Variants in RCAN2 observed in about 807,000 individuals in gnomAD.
RCAN2 encodes the protein regulator of calcineurin 2, also known as calcipressin-2.
A neutral mutation model predicts 23.6 loss-of-function variants in RCAN2; 9 were observed. That is an observed-to-expected ratio of 0.38 (90% CI 0.23 to 0.67). The LOEUF is 0.67. RCAN2 is among the 30% of genes least tolerant of loss of function. The pLI is 0.51. For synonymous variants in RCAN2, 109 were observed against 115.7 expected, an observed-to-expected ratio of 0.94 and a Z score of 0.37; for missense variants, 273 against 302.3, an observed-to-expected ratio of 0.90 and a Z score of 0.72.
chr6:46,398,148 A>G (rs1368072113), intron 2 of RCAN2, among the ~76,000 whole-genome samples: 1 of 152,218 alleles, frequency 6.6e-6, no homozygotes, highest in African/African-American at 2.4e-5. Flanking sequence ...ACAAATTTAA[A>G]TAGGGTATAC....
At chr6:46,265,962 C>T (rs918642538) in intron 2 of RCAN2, among the ~76,000 whole-genome samples, 4 of 152,200 alleles carry the variant, frequency 2.6e-5, no homozygotes, top group African/African-American at 9.7e-5. Context: ...CCAGTTCTTC[C>T]TAAATGCAGA....
At chr6:46,431,022 T>C (rs948361267) in intron 2 of RCAN2, among the ~76,000 whole-genome samples, 1 of 152,056 alleles carries the variant, frequency 6.6e-6, no homozygotes, top group African/African-American at 2.4e-5. Context: ...AGAAGCAGAA[T>C]ATGGAAGCAG....
chr6:46,425,713 TACCTTAA>T (rs1767012460), intron 2 of RCAN2, among the ~76,000 whole-genome samples: 1 of 152,086 alleles, frequency 6.6e-6, no homozygotes, highest in South Asian at 2.1e-4. Context: ...TGTGCCTACT[TACCTTAA>T]AAAAAACAGC....
intron 2 of RCAN2, among the ~76,000 whole-genome samples, chr6:46,392,416 G>A (rs1765963580): frequency 1.3e-5 from 2 of 152,178 alleles, no homozygotes; most frequent in African/African-American, 2.4e-5. Flanking sequence ...TTTCTTGGAT[G>A]TCTGCTGCTT....
chr6:46,475,166 A>G (rs1768678626), intron 1 of RCAN2, among the ~76,000 whole-genome samples: 1 of 152,184 alleles, frequency 6.6e-6, no homozygotes, highest in South Asian at 2.1e-4. Context: ...CCTTCTGCAC[A>G]TGACTCAGGG....
At chr6:46,376,028 T>C (rs1295935461) in intron 2 of RCAN2, among the ~76,000 whole-genome samples, 1 of 152,174 alleles carries the variant, frequency 6.6e-6, no homozygotes, top group East Asian at 1.9e-4. Flanking sequence ...AATGTCCAAC[T>C]CAAACACCAT....
At chr6:46,315,439 A>G (rs1485514707) in intron 2 of RCAN2, among the ~76,000 whole-genome samples, 1 of 152,208 alleles carries the variant, frequency 6.6e-6, no homozygotes, top group Non-Finnish European at 1.5e-5. Flanking sequence ...GAACAGCTCT[A>G]TGATGAGTGA....
intron 1 of RCAN2, among the ~76,000 whole-genome samples, chr6:46,484,324 A>C (rs1009793688): frequency 6.6e-6 from 1 of 152,210 alleles, no homozygotes; most frequent in Admixed American, 6.5e-5. Flanking sequence ...ATTTTTAAGA[A>C]GATTCCAACG....
At chr6:46,326,562 A>G (rs1428858841) in intron 2 of RCAN2, among the ~76,000 whole-genome samples, 1 of 152,250 alleles carries the variant, frequency 6.6e-6, no homozygotes, top group Non-Finnish European at 1.5e-5. Context: ...TGTTTAATAA[A>G]TAAATCAATC....
intron 2 of RCAN2, among the ~76,000 whole-genome samples, chr6:46,350,241 A>G (rs1322931860): frequency 1.3e-5 from 2 of 152,230 alleles, no homozygotes; most frequent in Non-Finnish European, 2.9e-5. Context: ...GGGGACAGCT[A>G]GAAATTGGAG....
chr6:46,294,000 G>A (rs1480660867), intron 2 of RCAN2, among the ~76,000 whole-genome samples: 1 of 152,144 alleles, frequency 6.6e-6, no homozygotes. Context: ...GTGCATCTTG[G>A]AGCAGCAAAG....
At chr6:46,328,814 T>C (rs765961542) in intron 2 of RCAN2, among the ~76,000 whole-genome samples, 1 of 152,242 alleles carries the variant, frequency 6.6e-6, no homozygotes, top group Non-Finnish European at 1.5e-5. Context: ...TTTCACCATG[T>C]TGGCCAGGAG....
At chr6:46,254,067 A>T (rs980977000) in intron 2 of RCAN2, among the ~76,000 whole-genome samples, 1 of 152,222 alleles carries the variant, frequency 6.6e-6, no homozygotes, top group East Asian at 1.9e-4. Flanking sequence ...CTGCTAGCAC[A>T]ATTTGGTGGC....
intron 2 of RCAN2, among the ~76,000 whole-genome samples, chr6:46,391,538 C>T (rs1765939556): frequency 6.6e-6 from 1 of 152,036 alleles, no homozygotes; most frequent in Admixed American, 6.6e-5. Flanking sequence ...AAGTACACTG[C>T]CATTTGTTTT....
At chr6:46,249,318 T>C (rs1241088698) in intron 2 of RCAN2, among the ~76,000 whole-genome samples, 2 of 9,576 alleles carry the variant, frequency 2.1e-4, no homozygotes, top group African/African-American at 1.2e-3. Context: ...TCTTTCTTTC[T>C]TTTTTTTTTT....
chr6:46,387,503 T>C (rs1215087857), intron 2 of RCAN2, among the ~76,000 whole-genome samples: 1 of 152,028 alleles, frequency 6.6e-6, no homozygotes, highest in Non-Finnish European at 1.5e-5. Context: ...CATGAAAAAA[T>C]GCTCATCACC....
chr6:46,371,450 T>C (rs1941992251), intron 2 of RCAN2, among the ~76,000 whole-genome samples: 1 of 152,216 alleles, frequency 6.6e-6, no homozygotes. Flanking sequence ...GCCAGCTCTA[T>C]TCATAGCCAT....
At chr6:46,236,983 A>T (rs1329995735) in intron 4 of RCAN2, among the ~76,000 whole-genome samples, 2 of 152,230 alleles carry the variant, frequency 1.3e-5, no homozygotes, top group African/African-American at 4.8e-5. Context: ...GTAAGTTGAG[A>T]TCACACAGGT....
intron 2 of RCAN2, among the ~76,000 whole-genome samples, chr6:46,344,232 C>T (rs999743142): frequency 3.9e-5 from 6 of 152,028 alleles, no homozygotes; most frequent in Non-Finnish European, 8.8e-5. Flanking sequence ...ATTTATTAAA[C>T]AATGTCAAGA....
Sources: allele counts gnomAD v4.1 joint callset (sites outside exome capture counted in the v4.1 genomes callset), GRCh38; gene constraint gnomAD v4.1.1; transcripts MANE v1.5; gene names NCBI Gene and HGNC (gene_info 2026-07-23, HGNC 2026-07-21).